The following MIB2 variants were observed in gnomAD, a reference collection of about 807,000 sequenced individuals.
MIB2 encodes E3 ubiquitin-protein ligase MIB2.
MIB2 carries 78 observed loss-of-function variants against 96.6 expected under a neutral mutation model. The observed-to-expected ratio is 0.81, with a 90% CI of 0.67 to 0.97. MIB2 has a LOEUF of 0.97. Ranked by LOEUF, MIB2 falls within the 50% of genes least tolerant of loss-of-function variation. The pLI is 0.00. For missense variants in MIB2, 1,543 were observed against 1,424.0 expected (o/e 1.08, Z -1.35); for synonymous variants, 820 against 629.5 (o/e 1.30, Z -4.53).
At position 1,625,549 on chromosome 1, in the gene MIB2, A is replaced by G. The variant is rs1221126109; in HGVS notation, c.868A>G (p.Ile290Val). 1.9e-6 allele frequency: 3 copies of G among 1,575,380 alleles called. No homozygotes were observed. The highest frequency in any genetic ancestry group is 2.6e-6 in the Non-Finnish European group (3 of 1,160,882). ...GGWNPRMAEF[I>V]GQTGTVHRIT... ...ACAGCTCCATGACCCGCCACAGTTTATCGGACAGACGGGCACCGTGCATCG... is the reference window on the plus strand; with the variant it reads ...ACAGCTCCATGACCCGCCACAGTTTGTCGGACAGACGGGCACCGTGCATCG... Residue 290 changes from isoleucine to valine, a missense_variant, in exon 8 of 20, where the codon ATC becomes GTC. Transcript: ENST00000355826. The surrounding 1 kb of genome is among the most constrained non-coding windows in gnomAD (Gnocchi z 5.0).
At chr1:1,629,103 GC>G in intron 16 of MIB2, 29 bp from the exon 17 acceptor site, 4 of 1,421,542 alleles carry the variant, frequency 2.8e-6, no homozygotes, top group Non-Finnish European at 3.6e-6. Context: ...CCCGGCGCCC[GC>G]CCTCACCGGC....
At chr1:1,616,676 G>C (rs2100298269) in intron 2 of MIB2, 62 bp downstream of exon 2, 2 of 1,335,258 alleles carry the variant, frequency 1.5e-6, no homozygotes, top group South Asian at 1.3e-5. Flanking sequence ...TTGGGGCTCC[G>C]TGGAAGCCAC....
chr1:1,628,360 C>T lies in MIB2; in HGVS notation c.1929C>T (p.Leu643=), dbSNP rs763369629. Reference sequence around the variant, plus strand: ...TCACGGCGCTGCATCTGGCTGCCCTCAACAACCACCGCGAGGTGGCCCAGA... The same window carrying T: ...TCACGGCGCTGCATCTGGCTGCCCTTAACAACCACCGCGAGGTGGCCCAGA... ...DGFTALHLAA[L]NNHREVAQIL... is the part of the protein sequence containing the mutation. Residue 643 remains leucine (L), a synonymous_variant, in exon 15 of 20, where the codon CTC becomes CTT. Coordinates refer to ENST00000355826, the MANE Select transcript of MIB2 (RefSeq NM_001170687.4). The T allele has an allele frequency of 5.0e-6, 8 of 1,612,610 alleles. No homozygotes were observed. The African/African-American group carries it at 9.3e-5, about 19-fold the overall frequency.
chr1:1,623,986 C>A, intron 4 of MIB2, 41 bp downstream of exon 4: 2 of 1,567,434 alleles, frequency 1.3e-6, no homozygotes, highest in South Asian at 1.2e-5. Flanking sequence ...GGCGGGTACC[C>A]AGGCCTTGCC....
At position 1,616,508 on chromosome 1, in the gene MIB2, G is replaced by A. The variant is rs777627058; in HGVS notation, c.-129G>A. On this transcript the variant is annotated splice_region_variant and 5_prime_UTR_variant, in exon 2 of 20. Transcript: ENST00000355826. The stretch of plus-strand genomic sequence containing the variant: ...TCTTGGCATCTCCCCTCGGCCACAG[G>A]GTTGGAAGCCCAGCGAGGCTAGAGG... 1.9e-6 allele frequency: 3 copies of A among 1,583,516 alleles called. No individual in the cohort carries two copies. The highest frequency in any genetic ancestry group is 2.6e-6 in the Non-Finnish European group (3 of 1,165,670).
Position 1,615,556 on chromosome 1 carries a change from GA to G in MIB2, c.-206del. On this transcript the variant is annotated 5_prime_UTR_variant, in exon 1 of 20. Coordinates refer to ENST00000355826, the MANE Select transcript of MIB2 (RefSeq NM_001170687.4). ...CTCTCCTCAGTGCCCGGTGGCCCAG[GA>G]GGGCCTGGGAGCCCGAAGCCGTCCC... is the stretch of plus-strand genomic sequence containing the variant. 6.5e-7 allele frequency: 1 copy of G among 1,537,584 alleles called. No homozygotes were observed. The highest frequency in any genetic ancestry group is 8.7e-7 in the Non-Finnish European group (1 of 1,146,360).
chr1:1,629,808 C>G (rs1427189138), intron 19 of MIB2, 104 bp downstream of exon 19: 1 of 1,249,108 alleles, frequency 8.0e-7, no homozygotes, highest in Non-Finnish European at 1.1e-6. Context: ...ATGGCCCTTC[C>G]CCAGGTTACA....
rs890529224 is a variant in MIB2, at chr1:1,626,205, C to T, written c.973-445C>T. 5 of 198,656 alleles carry T rather than the reference C, an allele frequency of 2.5e-5. No homozygotes were observed. Among genetic ancestry groups the T allele is most frequent in the African/African-American group, 4.7e-5 (2 of 42,706 alleles). The allele number at this position is 198,656 out of a possible 1,614,324, so 12.3% of individuals were successfully genotyped here. ...TGGATACCAGGCACCTTTGAGGAGGCGCCGAAGGGAGTCATGAGACGGGCT... is the reference window on the plus strand; with the variant it reads ...TGGATACCAGGCACCTTTGAGGAGGTGCCGAAGGGAGTCATGAGACGGGCT... On this transcript the variant is annotated intron_variant, in intron 8 of 19. Coordinates refer to ENST00000355826, the MANE Select transcript of MIB2 (RefSeq NM_001170687.4). This position sits in a 1 kb window ranked among gnomAD's most constrained non-coding sequence, Gnocchi z 5.3.
intron 14 of MIB2, 39 bp from the exon 15 acceptor site, chr1:1,628,234 G>T (rs765574892): frequency 1.9e-6 from 3 of 1,612,604 alleles, no homozygotes; most frequent in Admixed American, 3.3e-5. Context: ...GCTGCCTGGG[G>T]GCAGTCCCAG....
chr1:1,627,727 C>A lies in MIB2; in HGVS notation c.1578C>A (p.Ala526=). The A allele has an allele frequency of 6.3e-7, 1 of 1,595,832 alleles. No individual in the cohort carries two copies. The change falls in exon 13 of 20, where the codon GCC becomes GCA. Residue 526 remains alanine (A), a synonymous_variant. Transcript: ENST00000355826. ...VLLSAGCRAD[A]INSTQSTALH... ...TGAGTGCTGGGTGCCGGGCGGACGC[C>A]ATCAACAGCACCCAGAGCACAGCAC...
intron 2 of MIB2, among the ~76,000 whole-genome samples, chr1:1,620,855 A>G (rs1402213041): frequency 1.3e-5 from 2 of 152,246 alleles, no homozygotes; most frequent in Admixed American, 6.5e-5. Flanking sequence ...CCTCCCTCCA[A>G]GACAGCCCCC....
In MIB2 at chr1:1,629,444, A is replaced by G. The variant is rs540520407; in HGVS notation, c.2441A>G (p.Asn814Ser). ...CCCAGGCAAACGCTCGGGACCCCCA[A>G]CACCGTGACGAACCTGCACGTGGGC... ...PGPRQTLGTP[N>S]TVTNLHVGAA... The change falls in exon 18 of 20, where the codon AAC becomes AGC. Residue 814 changes from asparagine (N) to serine (S), a missense_variant. Physicochemically the swap from Asn to Ser is conservative, Grantham distance 46. Coordinates refer to ENST00000355826, the MANE Select transcript of MIB2 (RefSeq NM_001170687.4). 8 of 1,520,646 alleles carry G rather than the reference A, an allele frequency of 5.3e-6. No individual in the cohort carries two copies. Among genetic ancestry groups the G allele is most frequent in the African/African-American group, 1.4e-5 (1 of 71,558 alleles). 94.2% of individuals were successfully genotyped at this position (1,520,646 alleles called of 1,614,324 possible).
intron 16 of MIB2, 194 bp downstream of exon 16, chr1:1,628,916 GT>G (rs946882398): frequency 2.8e-6 from 2 of 720,912 alleles, no homozygotes; most frequent in Non-Finnish European, 4.4e-6. Context: ...TGGGAAAGGG[GT>G]GGTGCCCATG....
intron 19 of MIB2, 47 bp downstream of exon 19, chr1:1,629,751 G>T: frequency 6.6e-7 from 1 of 1,518,714 alleles, no homozygotes. Flanking sequence ...TCAGCTGGTG[G>T]CCCGCGGGTC....
chr1:1,622,303 C>G (rs1644333488), intron 2 of MIB2, among the ~76,000 whole-genome samples: 1 of 152,246 alleles, frequency 6.6e-6, no homozygotes, highest in South Asian at 2.1e-4. Flanking sequence ...GCGATCACAG[C>G]CAGCTGTAGC....
intron 2 of MIB2, among the ~76,000 whole-genome samples, chr1:1,619,996 T>C (rs1000671975): frequency 6.6e-6 from 1 of 152,236 alleles, no homozygotes; most frequent in African/African-American, 2.4e-5. Context: ...TCCACCCCAC[T>C]GCCCCTGTGA....
rs754731172 is a variant in MIB2, at chr1:1,627,084, C to T, written c.1251C>T (p.Ser417=). The change falls in exon 11 of 20, where the codon AGC becomes AGT. Residue 417 remains serine, a synonymous_variant. Coordinates refer to ENST00000355826, the MANE Select transcript of MIB2 (RefSeq NM_001170687.4). ...ERARENKSSL[S]VALDKLRAQK... ...CAGCCCTGCCCCCAGGCTCACTGAG[C>T]GTGGCCCTGGACAAGCTTCGGGCCC... 1.3e-5 allele frequency: 20 copies of T among 1,599,984 alleles called. No homozygotes were observed. The highest frequency in any genetic ancestry group is 4.5e-5 in the East Asian group (2 of 44,272).
rs1303870168 is a variant in MIB2, at chr1:1,627,151, G to C, written c.1318G>C (p.Val440Leu). Residue 440 changes from valine (V) to leucine (L), a missense_variant, in exon 11 of 20, where the codon GTG becomes CTG. Val to Leu is a conservative substitution (Grantham distance 32). Coordinates refer to ENST00000355826, the MANE Select transcript of MIB2 (RefSeq NM_001170687.4). The stretch of plus-strand genomic sequence containing the variant: ...GCACCCGGGAAGGCTGGTGGTGGAG[G>C]TGGCGCTGGGTAACGCAGCCCGGGC... ...PEHPGRLVVE[V>L]ALGNAARALD... The C allele has an allele frequency of 1.9e-6, 3 of 1,592,326 alleles. No individual in the cohort carries two copies. The highest frequency in any genetic ancestry group is 2.6e-6 in the Non-Finnish European group (3 of 1,169,914).
At position 1,628,261 on chromosome 1, in the gene MIB2, C is replaced by G; in HGVS notation, c.1842-12C>G. ...CAGTCCCAGGTCCCAGACCAACCTCCCTGCTCCACAGAGCTGTGAGAAAGA... is the reference window on the plus strand; with the variant it reads ...CAGTCCCAGGTCCCAGACCAACCTCGCTGCTCCACAGAGCTGTGAGAAAGA... On this transcript the variant is annotated splice_polypyrimidine_tract_variant and intron_variant, in intron 14 of 19. Transcript: ENST00000355826. 6.2e-7 allele frequency: 1 copy of G among 1,612,994 alleles called. No individual in the cohort carries two copies.
Sources: gnomAD v4.1 joint callset for allele counts (sites outside exome capture counted in the v4.1 genomes callset) on GRCh38, gnomAD v4.1.1 for gene constraint, Gnocchi (gnomAD v3.1) non-coding constraint, MANE v1.5 for transcripts, NCBI Gene and HGNC (gene_info 2026-07-23, HGNC 2026-07-21) for gene names.